HEATR1: variants seen among roughly 807,000 people sequenced by gnomAD.
The protein encoded by HEATR1 is HEAT repeat containing 1.
HEATR1 carries 77 observed loss-of-function variants against 248.2 expected under a neutral mutation model. The observed-to-expected ratio is 0.31, with a 90% CI of 0.26 to 0.37. HEATR1 has a LOEUF of 0.37. Ranked by LOEUF, HEATR1 falls within the 10% of genes least tolerant of loss-of-function variation. The pLI is 1.00. For missense variants in HEATR1, 2,420 were observed against 2,504.9 expected (o/e 0.97, Z 0.72); for synonymous variants, 897 against 923.1 (o/e 0.97, Z 0.51).
intron 31 of HEATR1, 100 bp downstream of exon 31, chr1:236,565,819 T>G (rs1663253261): frequency 8.7e-7 from 1 of 1,150,356 alleles, no homozygotes; most frequent in South Asian, 1.6e-5. Flanking sequence ...TAACTTACTT[T>G]AAAAATCCTT....
At position 236,560,033 on chromosome 1, in the gene HEATR1, C is replaced by T. The variant is rs566112888; in HGVS notation, c.4647-196G>A. ...CAGAGATCATCAAGAAGTAACTAGG[C>T]GCTTCTGTGCAGAAGCATCGACCTC... On this transcript the variant is annotated intron_variant, in intron 33 of 44. Transcript: ENST00000366582. Among the ~76,000 whole-genome samples, 254 of 146,440 alleles carry T rather than the reference C, an allele frequency of 1.7e-3. 1 individual carries two copies. The highest frequency in any genetic ancestry group is 3.1e-3 in the Non-Finnish European group (210 of 67,458).
intron 34 of HEATR1, 26 bp from the exon 35 acceptor site, chr1:236,559,161 T>C: frequency 6.6e-7 from 1 of 1,521,102 alleles, no homozygotes; most frequent in Non-Finnish European, 8.8e-7. Flanking sequence ...ATATTTAACA[T>C]GAAAAGAAAA....
chr1:236,588,071 T>C (rs1663941384), intron 12 of HEATR1, 28 bp from the exon 13 acceptor site: 2 of 1,554,138 alleles, frequency 1.3e-6, no homozygotes, highest in Non-Finnish European at 1.8e-6. Context: ...AACATTAATT[T>C]AGCTGTTGCC....
Position 236,561,207 on chromosome 1 carries a change from A to G in HEATR1, c.4646+18T>C. The G allele has an allele frequency of 6.3e-7, 1 of 1,576,154 alleles. No individual in the cohort carries two copies. Among genetic ancestry groups the G allele is most frequent in the Middle Eastern group, 1.7e-4 (1 of 5,968 alleles). ...AGTCATTTCCAAATAAAAAGTAGAA[A>G]AAGAAAAGGAAACATACCTCTCTTC... On this transcript the variant is annotated intron_variant, in intron 33 of 44. Coordinates refer to ENST00000366582, the MANE Select transcript of HEATR1 (RefSeq NM_018072.6).
At chr1:236,566,935 T>C (rs1663288376) in intron 29 of HEATR1, 59 bp from the exon 30 acceptor site, 1 of 1,156,066 alleles carries the variant, frequency 8.7e-7, no homozygotes, top group Non-Finnish European at 1.3e-6. Context: ...CAAAACAAGT[T>C]TAGGTGAACA....
At chr1:236,595,515 G>A (rs769480658) in intron 8 of HEATR1, 25 bp downstream of exon 8, 2 of 1,578,186 alleles carry the variant, frequency 1.3e-6, no homozygotes, top group East Asian at 2.3e-5. Flanking sequence ...GAAAATTTCT[G>A]GACAAAAAAT....
intron 29 of HEATR1, among the ~76,000 whole-genome samples, chr1:236,567,542 T>A (rs542829718): frequency 3.9e-5 from 6 of 152,158 alleles, no homozygotes; most frequent in Non-Finnish European, 7.3e-5. Flanking sequence ...TAAACCCATC[T>A]CTACTAAAAA....
At chr1:236,597,743 C>G (rs1307449646) in intron 5 of HEATR1, 135 bp downstream of exon 5, 5 of 533,002 alleles carry the variant, frequency 9.4e-6, no homozygotes, top group African/African-American at 2.0e-5. Flanking sequence ...GCTCCTGCTT[C>G]AAAACACCAG....
At chr1:236,572,867 A>T (rs759397332) in intron 24 of HEATR1, 39 bp from the exon 25 acceptor site, 12 of 1,540,808 alleles carry the variant, frequency 7.8e-6, no homozygotes, top group Non-Finnish European at 1.8e-6. Context: ...GATATAATCC[A>T]TTGGGATAAA....
At chr1:236,569,785 T>G (rs921860007) in intron 28 of HEATR1, among the ~76,000 whole-genome samples, 8 of 152,180 alleles carry the variant, frequency 5.3e-5, no homozygotes, top group Admixed American at 3.9e-4. Flanking sequence ...CCTAGGTATA[T>G]ATACCCAGGA....
At chr1:236,553,096 C>CTTCCACTCAACCTACCCATGTTTTAT (rs1304882870) in intron 43 of HEATR1, 1 of 152,260 alleles carries the variant, frequency 6.6e-6, no homozygotes, top group African/African-American at 2.4e-5. Context: ...CAAATTTTGA[C>CTTCCACTCAACCTACCCATGTTTTAT]TTCCACTCAA....
rs1305117589 is a variant in HEATR1, at chr1:236,550,829, C to A, written c.*73G>T. ...TTAAGGCACCAAAAGTAACATGGCA[C>A]CCAACACCCAAAAATAAAAATATGA... On this transcript the variant is annotated 3_prime_UTR_variant, in exon 45 of 45. Coordinates refer to ENST00000366582, the MANE Select transcript of HEATR1 (RefSeq NM_018072.6). 13 of 1,184,044 alleles carry A rather than the reference C, an allele frequency of 1.1e-5. No homozygotes were observed. The highest frequency in any genetic ancestry group is 3.1e-5 in the African/African-American group (2 of 64,864). The allele number at this position is 1,184,044 out of a possible 1,614,324, so 73.3% of individuals were successfully genotyped here.
At position 236,595,872 on chromosome 1, in the gene HEATR1, A is replaced by G. The variant is rs1258537128; in HGVS notation, c.917T>C (p.Val306Ala). 1.9e-6 allele frequency: 3 copies of G among 1,614,066 alleles called. No individual in the cohort carries two copies. Among genetic ancestry groups the G allele is most frequent in the East Asian group, 2.2e-5 (1 of 44,862 alleles). Residue 306 changes from valine (V) to alanine (A), a missense_variant, in exon 7 of 45, where the codon GTG becomes GCG. Val to Ala is a moderately conservative substitution (Grantham distance 64). Coordinates refer to ENST00000366582, the MANE Select transcript of HEATR1 (RefSeq NM_018072.6). ...CTCTGGCTTCTGTCTCTGCAGGAGC[A>G]CTATCAAGCAACTTAACCCATCCTT... is the stretch of plus-strand genomic sequence containing the variant. The part of the protein sequence containing the change: ...LIKDGLSCLI[V>A]LLQRQKPESL...
intron 3 of HEATR1, among the ~76,000 whole-genome samples, chr1:236,602,458 T>A (rs1194402280): frequency 6.6e-6 from 1 of 152,238 alleles, no homozygotes; most frequent in Admixed American, 6.5e-5. Flanking sequence ...AGTGTATAAA[T>A]GCTCAAAAAC....
chr1:236,591,709 G>A (rs538919733), intron 11 of HEATR1, among the ~76,000 whole-genome samples: 34 of 150,496 alleles, frequency 2.3e-4, no homozygotes, highest in African/African-American at 6.3e-4. Context: ...ACATGAGGCC[G>A]TCCTCTGATG....
In HEATR1 at chr1:236,582,711, C is replaced by T. The variant is rs75273134; in HGVS notation, c.2562+25G>A. ...CCATATCTTCTTTAAGGGTAGAGTA[C>T]GCCTGAAAAGGAGGAGGCTTGTACC... On this transcript the variant is annotated intron_variant, in intron 19 of 44. Coordinates refer to ENST00000366582, the MANE Select transcript of HEATR1 (RefSeq NM_018072.6). 3.5e-3 allele frequency: 5,602 copies of T among 1,612,408 alleles called. 231 individuals carry two copies. In the East Asian group the frequency reaches 0.094, roughly 27 times the overall value.
At chr1:236,589,486 C>T (rs1439973694) in intron 12 of HEATR1, among the ~76,000 whole-genome samples, 1 of 113,726 alleles carries the variant, frequency 8.8e-6, no homozygotes, top group Non-Finnish European at 2.3e-5. Flanking sequence ...ATATAGATGA[C>T]ATAAAACAAA....
chr1:236,580,005 C>A lies in HEATR1; in HGVS notation c.2755+1217G>T, dbSNP rs1166414758. Among the ~76,000 whole-genome samples the A allele has an allele frequency of 2.0e-5, 3 of 151,910 alleles. No homozygotes were observed. The East Asian group carries it at 5.8e-4, about 29-fold the overall frequency. On this transcript the variant is annotated intron_variant, in intron 20 of 44. Transcript: ENST00000366582. ...TTTCCCCAGGGCCACTCCTATGCCT[C>A]TGATATTAATAACATTACAGTTTGA...
At chr1:236,569,229 G>T in intron 28 of HEATR1, 105 bp from the exon 29 acceptor site, 2 of 814,060 alleles carry the variant, frequency 2.5e-6, no homozygotes, top group Non-Finnish European at 3.7e-6. Flanking sequence ...GGGATGCAGT[G>T]CAGTTGTGTG....
Sources: gnomAD v4.1 joint callset for allele counts (sites outside exome capture counted in the v4.1 genomes callset) on GRCh38, gnomAD v4.1.1 for gene constraint, MANE v1.5 for transcripts, NCBI Gene and HGNC (gene_info 2026-07-23, HGNC 2026-07-21) for gene names.